CTNNA3: variants seen among roughly 807,000 people sequenced by gnomAD.
CTNNA3 encodes catenin alpha-3.
In CTNNA3, 76 loss-of-function variants were observed where a neutral mutation model predicts 95.7. The ratio of observed to expected loss-of-function variants is 0.79; its 90% confidence interval spans 0.66 to 0.96. The LOEUF (loss-of-function observed/expected upper bound fraction) is 0.96. CTNNA3 is among the 40% of genes least tolerant of loss of function. The probability of loss-of-function intolerance (pLI) is 0.00; values close to 1 mark genes in which losing one functional copy is unlikely to be tolerated. For missense variants in CTNNA3, 1,191 were observed against 1,089.8 expected (o/e 1.09, Z -1.31); for synonymous variants, 431 against 374.4 (o/e 1.15, Z -1.74).
rs138590685 is a variant in CTNNA3 at position 67,201,532 on chromosome 10, A to G, written c.843+18075T>C. Reference sequence around the variant, plus strand: ...TTTCCATTTTTTCCTTTTACTCTGAAGCTTTTAGACATTGCTCTTTTGGAT... The same window carrying G: ...TTTCCATTTTTTCCTTTTACTCTGAGGCTTTTAGACATTGCTCTTTTGGAT... On this transcript the variant is annotated intron_variant, in intron 6 of 17. Coordinates refer to ENST00000433211, the MANE Select transcript of CTNNA3 (RefSeq NM_013266.4). Among the ~76,000 whole-genome samples the G allele has an allele frequency of 1.6e-3, 241 of 152,040 alleles. 3 individuals are homozygous for G. Among genetic ancestry groups the G allele is most frequent in the African/African-American group, 5.6e-3 (232 of 41,500 alleles).
At chr10:67,300,605 G>A (rs191932835) in intron 5 of CTNNA3, among the ~76,000 whole-genome samples, 1 of 152,242 alleles carries the variant, frequency 6.6e-6, no homozygotes, top group East Asian at 1.9e-4. Flanking sequence ...TTGACTATAG[G>A]TCATCATTGA....
At chr10:66,180,980 T>G (rs1056350047) in intron 13 of CTNNA3, among the ~76,000 whole-genome samples, 2 of 152,136 alleles carry the variant, frequency 1.3e-5, no homozygotes, top group Non-Finnish European at 2.9e-5. Context: ...ATGAAAATAC[T>G]AGGTCATCCA....
intron 11 of CTNNA3, among the ~76,000 whole-genome samples, chr10:66,447,979 A>G (rs1333547259): frequency 6.6e-6 from 1 of 152,182 alleles, no homozygotes; most frequent in Non-Finnish European, 1.5e-5. Context: ...CAAATTTACA[A>G]GAGAAAAACA....
At position 67,642,446 on chromosome 10, in the gene CTNNA3, G is replaced by A. The variant is rs550716668; in HGVS notation, c.99+4969C>T. Among the ~76,000 whole-genome samples the A allele has an allele frequency of 7.9e-5, 12 of 152,252 alleles. No homozygotes were observed. The South Asian group carries it at 1.2e-3, about 16-fold the overall frequency. ...GAAAAAAAGTTTATCAGCTGGGTGC[G>A]GTGGCTCATGCCTGCAATCCCAGCA... On this transcript the variant is annotated intron_variant, in intron 2 of 17. Transcript: ENST00000433211.
chr10:66,103,229 A>G lies in CTNNA3; in HGVS notation c.1905T>C (p.Asp635=). 17 of 1,614,064 alleles carry G rather than the reference A, an allele frequency of 1.1e-5. No individual in the cohort carries two copies. The highest frequency in any genetic ancestry group is 1.4e-5 in the Non-Finnish European group (17 of 1,179,904). ...MMIRTPEELE[D]VSDLEEEHEV... ...CGTGTTCCTCTTCAAGGTCAGAAAC[A>G]TCCTCCAGTTCCTCTGGGGTCTATA... Residue 635 remains aspartate (D), a synonymous_variant, in exon 14 of 18, where the codon GAT becomes GAC. Transcript: ENST00000433211.
At chr10:66,837,229 C>T (rs567358243) in intron 7 of CTNNA3, among the ~76,000 whole-genome samples, 58 of 152,268 alleles carry the variant, frequency 3.8e-4, no homozygotes, top group African/African-American at 1.3e-3. Context: ...CCACTACGAA[C>T]AACAGAATAA....
At chr10:67,505,926 T>C (rs1839413695) in intron 5 of CTNNA3, among the ~76,000 whole-genome samples, 1 of 152,172 alleles carries the variant, frequency 6.6e-6, no homozygotes, top group Non-Finnish European at 1.5e-5. Flanking sequence ...AAAAAAATGA[T>C]TTAAAATCAG....
intron 7 of CTNNA3, among the ~76,000 whole-genome samples, chr10:67,106,286 A>C (rs1232772601): frequency 6.6e-6 from 1 of 152,228 alleles, no homozygotes; most frequent in African/African-American, 2.4e-5. Context: ...AATCTGATAT[A>C]GTTTTCAGAT....
chr10:66,903,556 G>C (rs774613783), intron 7 of CTNNA3, among the ~76,000 whole-genome samples: 5 of 152,084 alleles, frequency 3.3e-5, no homozygotes, highest in Non-Finnish European at 5.9e-5. Flanking sequence ...CGAAATAAAG[G>C]GTATTCAGTT....
chr10:66,084,492 C>A lies in CTNNA3; in HGVS notation c.1978-15003G>T, dbSNP rs561161669. On this transcript the variant is annotated intron_variant, in intron 14 of 17. Coordinates refer to ENST00000433211, the MANE Select transcript of CTNNA3 (RefSeq NM_013266.4). ...ATCTACCAGAAATTGAAGATGATTTCTAAAATTCTAGATTACTTACAAAAA... is the reference window on the plus strand; with the variant it reads ...ATCTACCAGAAATTGAAGATGATTTATAAAATTCTAGATTACTTACAAAAA... 2.0e-5 allele frequency among the ~76,000 whole-genome samples: 3 copies of A among 152,086 alleles called. No homozygotes were observed. In the South Asian group the frequency reaches 6.2e-4, roughly 32 times the overall value.
intron 1 of CTNNA3, among the ~76,000 whole-genome samples, chr10:67,701,543 AG>A (rs1564836246): frequency 1.3e-5 from 2 of 152,358 alleles, no homozygotes; most frequent in East Asian, 3.9e-4. Context: ...TAAGTGAAGG[AG>A]AAATAAAATA....
chr10:67,124,333 G>GGTGTGTGTGTGTGT (rs141981196), intron 7 of CTNNA3, among the ~76,000 whole-genome samples: 13 of 141,868 alleles, frequency 9.2e-5, no homozygotes, highest in African/African-American at 2.6e-4. Context: ...GTGTGTTAGC[G>GGTGTGTGTGTGTGT]GTGTGTGTGT....
At chr10:67,749,122 C>A (rs1195381141) in intron 1 of CTNNA3, among the ~76,000 whole-genome samples, 2 of 152,080 alleles carry the variant, frequency 1.3e-5, no homozygotes, top group Non-Finnish European at 2.9e-5. Flanking sequence ...TATATATGCA[C>A]CCTATTTATG....
At chr10:66,965,507 C>T (rs1207827612) in intron 7 of CTNNA3, among the ~76,000 whole-genome samples, 1 of 150,272 alleles carries the variant, frequency 6.7e-6, no homozygotes, top group Non-Finnish European at 1.5e-5. Flanking sequence ...TGCACTCCAG[C>T]CTGGCGACAG....
In CTNNA3 at chr10:67,521,877, C is replaced by A; in HGVS notation, c.544G>T (p.Glu182Ter). The A allele has an allele frequency of 1.2e-6, 2 of 1,612,902 alleles. No individual in the cohort carries two copies. The highest frequency in any genetic ancestry group is 1.7e-6 in the Non-Finnish European group (2 of 1,179,160). ...TTGAAGGCTAAATAATCCAAATTTT[C>A]CAGCTCCTTCCCAAGCTTCTGGTAG... is the stretch of plus-strand genomic sequence containing the variant. ...KTYQKLGKEL[E>*]NLDYLAFKRQ... Residue 182 changes from glutamate (E) to a stop codon, truncating the protein, a stop_gained, in exon 5 of 18, where the codon GAA (glutamate) becomes TAA (stop). Transcript: ENST00000433211. LOFTEE classifies it high-confidence loss of function.
intron 7 of CTNNA3, among the ~76,000 whole-genome samples, chr10:67,141,333 C>CT (rs1860553900): frequency 6.6e-6 from 1 of 151,714 alleles, no homozygotes; most frequent in Non-Finnish European, 1.5e-5. Context: ...TGCTATATAA[C>CT]AACAAAATAT....
chr10:66,555,172 T>A (rs1842351405), intron 10 of CTNNA3, among the ~76,000 whole-genome samples: 1 of 152,142 alleles, frequency 6.6e-6, no homozygotes, highest in Non-Finnish European at 1.5e-5. Context: ...TCACTTTTAT[T>A]CTTACATGTA....
chr10:65,971,597 A>G (rs888420775), intron 16 of CTNNA3, among the ~76,000 whole-genome samples: 3 of 151,984 alleles, frequency 2.0e-5, no homozygotes, highest in Admixed American at 6.6e-5. Context: ...TCTGAAACAC[A>G]CAATCCTCCA....
intron 7 of CTNNA3, among the ~76,000 whole-genome samples, chr10:66,798,791 A>G (rs1050596150): frequency 2.0e-5 from 3 of 151,612 alleles, no homozygotes; most frequent in African/African-American, 7.2e-5. Flanking sequence ...AGAGGTAAAA[A>G]GTAACATTTC....
Sources: allele counts gnomAD v4.1 joint callset (sites outside exome capture counted in the v4.1 genomes callset), GRCh38; gene constraint gnomAD v4.1.1; transcripts MANE v1.5; gene names NCBI Gene and HGNC (gene_info 2026-07-23, HGNC 2026-07-21).